The following CUBN variants were observed in gnomAD, a reference collection of about 807,000 sequenced individuals.
CUBN encodes the protein cubilin.
Under a neutral mutation model 405.3 loss-of-function variants are expected in CUBN, and 282 were observed. That is an observed-to-expected ratio of 0.70 (90% CI 0.63 to 0.77). The LOEUF is 0.77. Ranked by LOEUF, CUBN falls within the 30% of genes least tolerant of loss-of-function variation. The pLI, the probability that CUBN is intolerant of heterozygous loss-of-function variation, is 0.00. For synonymous variants in CUBN, 1,684 were observed against 1,617.0 expected, an observed-to-expected ratio of 1.04 and a Z score of -0.99; for missense variants, 4,514 against 4,475.2, an observed-to-expected ratio of 1.01 and a Z score of -0.25.
chr10:16,885,783 C>G (rs369972354), intron 56 of CUBN, among the ~76,000 whole-genome samples: 1 of 152,116 alleles, frequency 6.6e-6, no homozygotes, highest in Non-Finnish European at 1.5e-5. Context: ...CTGAGTGATA[C>G]GGTCTTGTGA....
intron 17 of CUBN, among the ~76,000 whole-genome samples, chr10:17,079,429 G>A (rs773198284): frequency 1.2e-4 from 18 of 151,472 alleles, no homozygotes; most frequent in Non-Finnish European, 1.9e-4. Context: ...TAGAGATGGG[G>A]TTTCACACCA....
intron 45 of CUBN, among the ~76,000 whole-genome samples, chr10:16,917,288 T>TG (rs1008271084): frequency 1.3e-5 from 2 of 152,192 alleles, no homozygotes; most frequent in African/African-American, 4.8e-5. Flanking sequence ...TCCTTTTCCT[T>TG]GGGGGATACA....
chr10:16,845,785 C>T (rs566945105), intron 60 of CUBN, among the ~76,000 whole-genome samples: 3 of 152,330 alleles, frequency 2.0e-5, no homozygotes, highest in East Asian at 1.9e-4. Flanking sequence ...CAAAGATGGA[C>T]AGCCCCTCCT....
At chr10:17,036,252 C>T (rs1184075841) in intron 27 of CUBN, among the ~76,000 whole-genome samples, 1 of 152,080 alleles carries the variant, frequency 6.6e-6, no homozygotes, top group East Asian at 1.9e-4. Context: ...TATGCAAGCA[C>T]TTGAGGTAAA....
chr10:17,073,032 G>A (rs1835775349), intron 17 of CUBN, among the ~76,000 whole-genome samples: 1 of 152,072 alleles, frequency 6.6e-6, no homozygotes, highest in Non-Finnish European at 1.5e-5. Flanking sequence ...AAACTTTTAA[G>A]GAAGAGATAA....
At chr10:17,022,640 G>A (rs1172780072) in intron 27 of CUBN, among the ~76,000 whole-genome samples, 2 of 152,222 alleles carry the variant, frequency 1.3e-5, no homozygotes, top group Non-Finnish European at 2.9e-5. Flanking sequence ...CTTGCAGCCT[G>A]TGCTTCTAAA....
chr10:16,915,732 T>A, intron 46 of CUBN, 89 bp downstream of exon 46: 1 of 1,087,374 alleles, frequency 9.2e-7, no homozygotes, highest in East Asian at 2.4e-5. Context: ...GATGTGCTTT[T>A]GCCTTTCTTG....
At chr10:16,966,041 T>C (rs914721918) in intron 31 of CUBN, 1 of 467,510 alleles carries the variant, frequency 2.1e-6, no homozygotes, top group Non-Finnish European at 4.4e-6. Context: ...CATGATTCTG[T>C]GAAGCTAAGT....
At chr10:16,884,124 G>T (rs780853) in intron 56 of CUBN, among the ~76,000 whole-genome samples, 2 of 151,936 alleles carry the variant, frequency 1.3e-5, no homozygotes, top group South Asian at 2.1e-4. Context: ...GGACTACAGG[G>T]GCCCGCCACC....
At chr10:16,929,665 C>A (rs1842311029) in intron 40 of CUBN, among the ~76,000 whole-genome samples, 1 of 152,114 alleles carries the variant, frequency 6.6e-6, no homozygotes, top group South Asian at 2.1e-4. Flanking sequence ...GAAACTTTTG[C>A]ATTCTTTATA....
intron 58 of CUBN, among the ~76,000 whole-genome samples, chr10:16,873,756 G>A (rs1043250513): frequency 6.0e-5 from 9 of 150,984 alleles, no homozygotes; most frequent in African/African-American, 1.9e-4. Flanking sequence ...AAAAGAAAAT[G>A]TATACTTTGA....
Position 17,087,153 on chromosome 10 carries a change from T to C in CUBN, c.1947+1011A>G, listed in dbSNP as rs558561825. Among the ~76,000 whole-genome samples, 128 of 152,276 alleles carry C rather than the reference T, an allele frequency of 8.4e-4. 4 individuals are homozygous for C. The South Asian group carries it at 0.024, about 29-fold the overall frequency. On this transcript the variant is annotated intron_variant, in intron 15 of 66. Transcript: ENST00000377833. ...TTGCATTGACTCTATTCCTCTCTAA[T>C]GGACTTGGAAATGCGTATTGTCTTT...
rs539021062 is a variant in CUBN at position 16,908,976 on chromosome 10, G to A, written c.7534-1297C>T. On this transcript the variant is annotated intron_variant, in intron 48 of 66. Transcript: ENST00000377833. ...CGGCTCACTGCAAGCTCCGCTTCCCGGGTTCACGCCATTCTCCTGCCTCAG... is the reference window on the plus strand; with the variant it reads ...CGGCTCACTGCAAGCTCCGCTTCCCAGGTTCACGCCATTCTCCTGCCTCAG... 5.5e-5 allele frequency among the ~76,000 whole-genome samples: 8 copies of A among 145,948 alleles called. No homozygotes were observed. In the East Asian group the frequency reaches 6.3e-4, roughly 11 times the overall value.
At chr10:17,071,317 G>A in intron 19 of CUBN, 109 bp downstream of exon 19, 1 of 1,110,634 alleles carries the variant, frequency 9.0e-7, no homozygotes, top group Non-Finnish European at 1.3e-6. Context: ...AAGACATATT[G>A]GTCTACATAA....
intron 36 of CUBN, among the ~76,000 whole-genome samples, chr10:16,944,619 A>C (rs1842731745): frequency 6.6e-6 from 1 of 152,252 alleles, no homozygotes; most frequent in Non-Finnish European, 1.5e-5. Context: ...GCAAAAAAAG[A>C]GGCATCTTGC....
chr10:16,938,793 A>G (rs1044514454), intron 38 of CUBN, among the ~76,000 whole-genome samples, 170 bp downstream of exon 38: 1 of 152,190 alleles, frequency 6.6e-6, no homozygotes, highest in Non-Finnish European at 1.5e-5. Context: ...TAAATACAAT[A>G]CTGAAATTGC....
chr10:17,043,515 C>T (rs1445315870), intron 26 of CUBN, among the ~76,000 whole-genome samples: 1 of 152,192 alleles, frequency 6.6e-6, no homozygotes, highest in Admixed American at 6.6e-5. Context: ...TGAATTGCAA[C>T]TCTCTCAGCA....
chr10:16,915,231 A>G, intron 46 of CUBN, 59 bp from the exon 47 acceptor site: 1 of 1,603,272 alleles, frequency 6.2e-7, no homozygotes. Flanking sequence ...TTTACCCTCT[A>G]TTCAAGGTGT....
At chr10:16,959,691 A>G (rs73596206) in intron 31 of CUBN, among the ~76,000 whole-genome samples, 17,867 of 152,118 alleles carry the variant, frequency 0.12, 1,578 homozygotes, top group African/African-American at 0.26. Flanking sequence ...ATTCCACAAG[A>G]AAAGCACTTC....
Sources: allele counts gnomAD v4.1 joint callset (sites outside exome capture counted in the v4.1 genomes callset), GRCh38; gene constraint gnomAD v4.1.1; transcripts MANE v1.5; gene names NCBI Gene and HGNC (gene_info 2026-07-23, HGNC 2026-07-21).